The following KCNAB1 variants were observed in gnomAD, a reference collection of about 807,000 sequenced individuals.
KCNAB1 encodes the protein voltage-gated potassium channel subunit beta-1.
In KCNAB1, 35 loss-of-function variants were observed where a neutral mutation model predicts 64.6. The ratio of observed to expected loss-of-function variants is 0.54; its 90% CI spans 0.41 to 0.72. The LOEUF is 0.72. Among genes scored for constraint, KCNAB1 ranks in the 30% least tolerant of loss-of-function variants. The pLI, the probability that KCNAB1 is intolerant of heterozygous loss-of-function variation, is 0.00. For synonymous variants in KCNAB1, 177 were observed against 183.8 expected (o/e 0.96, Z 0.30); for missense variants, 401 against 512.9 (o/e 0.78, Z 2.11).
At chr3:156,300,081 G>A (rs114030198) in intron 1 of KCNAB1, among the ~76,000 whole-genome samples, 2,145 of 152,216 alleles carry the variant, frequency 0.014, 20 homozygotes, top group South Asian at 0.032. Context: ...AAGGAGGCAC[G>A]TGTGGCATAC....
intron 1 of KCNAB1, among the ~76,000 whole-genome samples, chr3:156,318,777 CAAACAAAACT>C (rs752941977): frequency 9.2e-5 from 14 of 152,200 alleles, no homozygotes; most frequent in Non-Finnish European, 1.6e-4. Context: ...CTGGGAGGAC[CAAACAAAACT>C]AATCTCAGGG....
At chr3:156,412,318 G>A (rs772960446) in intron 1 of KCNAB1, among the ~76,000 whole-genome samples, 18 of 151,978 alleles carry the variant, frequency 1.2e-4, no homozygotes, top group East Asian at 1.9e-4. Context: ...TCATATCTTC[G>A]ATGAGAGACA....
At chr3:156,229,552 G>A (rs1716394088) in intron 1 of KCNAB1, among the ~76,000 whole-genome samples, 1 of 152,206 alleles carries the variant, frequency 6.6e-6, no homozygotes, top group South Asian at 2.1e-4. Flanking sequence ...TAGTGGAAAG[G>A]ACAACACTTA....
chr3:156,249,344 C>T (rs1300144976), intron 1 of KCNAB1, among the ~76,000 whole-genome samples: 2 of 151,990 alleles, frequency 1.3e-5, no homozygotes, highest in East Asian at 3.9e-4. Flanking sequence ...AGATGGATCA[C>T]CTGAGGTCAG....
chr3:156,385,912 C>T (rs1329058901), intron 1 of KCNAB1, among the ~76,000 whole-genome samples: 1 of 152,106 alleles, frequency 6.6e-6, no homozygotes, highest in African/African-American at 2.4e-5. Context: ...GATTTAATCA[C>T]CTCTTTAGGT....
chr3:156,245,303 A>T (rs936088322), intron 1 of KCNAB1, among the ~76,000 whole-genome samples: 2 of 152,162 alleles, frequency 1.3e-5, no homozygotes, highest in Non-Finnish European at 2.9e-5. Flanking sequence ...TTTTTAAATT[A>T]AACATATTAT....
rs201562961 is a variant in KCNAB1 at position 156,152,985 on chromosome 3, T to C, written c.275+32099T>C. Among the ~76,000 whole-genome samples, 6 of 152,374 alleles carry C rather than the reference T, an allele frequency of 3.9e-5. No homozygotes were observed. The East Asian group carries it at 1.2e-3, about 29-fold the overall frequency. Reference sequence around the variant, plus strand: ...CTTATTTGTTTATTTCTGTATTGTCTGTCTCTCTCACTGGAATGTGAATTC... The same window carrying C: ...CTTATTTGTTTATTTCTGTATTGTCCGTCTCTCTCACTGGAATGTGAATTC... On this transcript the variant is annotated intron_variant, in intron 1 of 13. Transcript: ENST00000490337.
intron 1 of KCNAB1, among the ~76,000 whole-genome samples, chr3:156,240,512 C>T (rs1717101035): frequency 6.6e-6 from 1 of 152,108 alleles, no homozygotes; most frequent in African/African-American, 2.4e-5. Flanking sequence ...GACGCTTTAA[C>T]CTGTTCCTTC....
At chr3:156,257,383 A>G (rs2108473470) in intron 1 of KCNAB1, among the ~76,000 whole-genome samples, 1 of 152,334 alleles carries the variant, frequency 6.6e-6, no homozygotes, top group East Asian at 1.9e-4. Context: ...ATAAAAACCC[A>G]AACAAAATTT....
At chr3:156,467,160 A>G (rs1367813663) in intron 7 of KCNAB1, among the ~76,000 whole-genome samples, 1 of 152,160 alleles carries the variant, frequency 6.6e-6, no homozygotes, top group Non-Finnish European at 1.5e-5. Context: ...AATAAATTAA[A>G]TGTCACATGC....
At position 156,262,997 on chromosome 3, in the gene KCNAB1, TC is replaced by T. The variant is rs1403452133; in HGVS notation, c.275+142116del. ...TAATTCTGTAGGGTCAGAAGTTATA[TC>T]CCCCTTTTAATTTCTGATTTGGGTA... is the stretch of plus-strand genomic sequence containing the variant. On this transcript the variant is annotated intron_variant, in intron 1 of 13. Transcript: ENST00000490337. 1.5e-4 allele frequency among the ~76,000 whole-genome samples: 23 copies of T among 151,988 alleles called. No individual in the cohort carries two copies. The East Asian group carries it at 4.1e-3, about 27-fold the overall frequency.
rs201931022 is a variant in KCNAB1, at chr3:156,143,427, C to T, written c.275+22541C>T. The T allele has an allele frequency of 1.5e-4, 239 of 1,545,910 alleles. 2 individuals carry two copies. The African/African-American group carries it at 2.9e-3, about 19-fold the overall frequency. Reference sequence around the variant, plus strand: ...AGACGGGCATGGCATACAGGTACTGCTGATTGCAAAGTCATCCAACCAGGG... The same window carrying T: ...AGACGGGCATGGCATACAGGTACTGTTGATTGCAAAGTCATCCAACCAGGG... On this transcript the variant is annotated intron_variant, in intron 1 of 13. Coordinates refer to ENST00000490337, the MANE Select transcript of KCNAB1 (RefSeq NM_172160.3).
At chr3:156,510,438 C>G (rs144793549) in intron 8 of KCNAB1, among the ~76,000 whole-genome samples, 60 of 152,258 alleles carry the variant, frequency 3.9e-4, no homozygotes, top group African/African-American at 1.3e-3. Context: ...AAGTCTCTCT[C>G]CCTCTTCCTT....
intron 8 of KCNAB1, among the ~76,000 whole-genome samples, chr3:156,505,089 G>A (rs1260001946): frequency 2.6e-5 from 4 of 152,214 alleles, no homozygotes; most frequent in Middle Eastern, 6.8e-3. Flanking sequence ...TTTTGTACAT[G>A]ATGAGAAATA....
chr3:156,272,025 C>T (rs1025477831), intron 1 of KCNAB1, among the ~76,000 whole-genome samples: 1 of 152,226 alleles, frequency 6.6e-6, no homozygotes, highest in Non-Finnish European at 1.5e-5. Flanking sequence ...GGCAGATACT[C>T]TTGTTCTCTT....
At chr3:156,189,992 TAAA>T (rs1324908554) in intron 1 of KCNAB1, among the ~76,000 whole-genome samples, 1 of 152,210 alleles carries the variant, frequency 6.6e-6, no homozygotes, top group East Asian at 1.9e-4. Flanking sequence ...AAGCAATTAT[TAAA>T]ACAATACTTT....
intron 4 of KCNAB1, among the ~76,000 whole-genome samples, chr3:156,459,045 A>G (rs1479086934): frequency 1.3e-5 from 2 of 152,250 alleles, no homozygotes; most frequent in Non-Finnish European, 2.9e-5. Context: ...ATGACTAGCC[A>G]TGACTCCCAT....
rs189585372 is a variant in KCNAB1, at chr3:156,338,036, T to G, written c.276-83580T>G. On this transcript the variant is annotated intron_variant, in intron 1 of 13. Coordinates refer to ENST00000490337, the MANE Select transcript of KCNAB1 (RefSeq NM_172160.3). ...TTGCTGATGTATACACAAGTAACAA[T>G]GTTGCAAGCCACTGGGTGATATATG... 2.7e-3 allele frequency among the ~76,000 whole-genome samples: 413 copies of G among 152,258 alleles called. 1 individual carries two copies. The highest frequency in any genetic ancestry group is 0.01 in the Middle Eastern group (3 of 294).
chr3:156,229,719 A>G (rs1230020720), intron 1 of KCNAB1, among the ~76,000 whole-genome samples: 2 of 152,164 alleles, frequency 1.3e-5, no homozygotes, highest in Non-Finnish European at 2.9e-5. Context: ...TTAACACAGA[A>G]ATGTATCGAA....
Sources: allele counts gnomAD v4.1 joint callset (sites outside exome capture counted in the v4.1 genomes callset), GRCh38; gene constraint gnomAD v4.1.1; transcripts MANE v1.5; gene names NCBI Gene and HGNC (gene_info 2026-07-23, HGNC 2026-07-21).